CTNNA3: variants seen among roughly 807,000 people sequenced by gnomAD.
CTNNA3 encodes the protein catenin alpha 3, also known as catenin alpha-3.
Under a neutral mutation model 95.7 loss-of-function variants are expected in CTNNA3, and 76 were observed. The ratio of observed to expected loss-of-function variants is 0.79; its 90% CI spans 0.66 to 0.96. The LOEUF is 0.96. Ranked by LOEUF, CTNNA3 falls within the 40% of genes least tolerant of loss-of-function variation. CTNNA3 has a pLI of 0.00. For missense variants in CTNNA3, 1,191 were observed against 1,089.8 expected, an observed-to-expected ratio of 1.09 and a Z score of -1.31; for synonymous variants, 431 against 374.4, an observed-to-expected ratio of 1.15 and a Z score of -1.74.
intron 2 of CTNNA3, among the ~76,000 whole-genome samples, chr10:67,640,552 T>A (rs919514023): frequency 4.6e-5 from 7 of 152,170 alleles, no homozygotes; most frequent in Admixed American, 4.6e-4. Flanking sequence ...GCCAAGTCAA[T>A]CCTAAGCCAA....
intron 7 of CTNNA3, among the ~76,000 whole-genome samples, chr10:67,090,640 G>A (rs1190960131): frequency 6.6e-6 from 1 of 152,014 alleles, no homozygotes; most frequent in African/African-American, 2.4e-5. Context: ...GCTTAAAATA[G>A]GCAACCTCTG....
In CTNNA3 at chr10:67,139,164, G is replaced by A. The variant is rs192642244; in HGVS notation, c.1047+41153C>T. 6.2e-3 allele frequency among the ~76,000 whole-genome samples: 950 copies of A among 152,044 alleles called. 10 individuals are homozygous for A. The highest frequency in any genetic ancestry group is 0.022 in the African/African-American group (908 of 41,492). On this transcript the variant is annotated intron_variant, in intron 7 of 17. Transcript: ENST00000433211. ...TATTTATTTATTGTGATGGAGTCTC[G>A]CTCTGTCGCCCAGACTGGAGTGCAG...
chr10:66,960,403 A>C lies in CTNNA3; in HGVS notation c.1048-184879T>G, dbSNP rs546434308. Among the ~76,000 whole-genome samples the C allele has an allele frequency of 4.7e-4, 72 of 152,272 alleles. No homozygotes were observed. The South Asian group carries it at 0.015, about 31-fold the overall frequency. On this transcript the variant is annotated intron_variant, in intron 7 of 17. Coordinates refer to ENST00000433211, the MANE Select transcript of CTNNA3 (RefSeq NM_013266.4). Reference sequence around the variant, plus strand: ...AGATGTTGTATGGAAAATACCAGCTAAGTCTGATTGAATTTTTCAATTTGC... The same window carrying C: ...AGATGTTGTATGGAAAATACCAGCTCAGTCTGATTGAATTTTTCAATTTGC...
At chr10:66,494,990 T>C (rs574918862) in intron 11 of CTNNA3, among the ~76,000 whole-genome samples, 2 of 152,206 alleles carry the variant, frequency 1.3e-5, no homozygotes, top group Admixed American at 6.5e-5. Flanking sequence ...TCCCCCTCAT[T>C]GCGTATTGAA....
chr10:67,313,263 C>T (rs1255185458), intron 5 of CTNNA3, among the ~76,000 whole-genome samples: 5 of 151,802 alleles, frequency 3.3e-5, no homozygotes, highest in Admixed American at 6.6e-5. Flanking sequence ...GGTGAAATCC[C>T]GTCTCTACTA....
At chr10:65,995,086 T>G (rs2133346494) in intron 15 of CTNNA3, among the ~76,000 whole-genome samples, 1 of 152,208 alleles carries the variant, frequency 6.6e-6, no homozygotes, top group East Asian at 1.9e-4. Context: ...ATTCTTTATC[T>G]GTGTTCTATT....
chr10:66,118,800 C>T (rs1318746262), intron 13 of CTNNA3, among the ~76,000 whole-genome samples: 1 of 152,074 alleles, frequency 6.6e-6, no homozygotes. Flanking sequence ...AAAAAGCATG[C>T]CATATTCTAT....
rs536900450 is a variant in CTNNA3, at chr10:67,087,003, C to T, written c.1047+93314G>A. 4.6e-5 allele frequency among the ~76,000 whole-genome samples: 7 copies of T among 152,070 alleles called. No individual in the cohort carries two copies. The South Asian group carries it at 1.5e-3, about 32-fold the overall frequency. The stretch of plus-strand genomic sequence containing the variant: ...GTTTTCATACTGATTAGCAACTGCA[C>T]CTCATTGCACCACAGTATGAAGAAA... On this transcript the variant is annotated intron_variant, in intron 7 of 17. Transcript: ENST00000433211.
intron 10 of CTNNA3, among the ~76,000 whole-genome samples, chr10:66,579,497 T>G (rs1328528115): frequency 6.6e-6 from 1 of 151,852 alleles, no homozygotes; most frequent in Non-Finnish European, 1.5e-5. Context: ...TAAAGTATGA[T>G]CTTTACTTTG....
intron 9 of CTNNA3, among the ~76,000 whole-genome samples, chr10:66,661,274 G>T (rs1279888750): frequency 1.3e-5 from 2 of 152,072 alleles, no homozygotes; most frequent in African/African-American, 4.8e-5. Flanking sequence ...TGGCTGGGAG[G>T]CCTCAGAATC....
chr10:67,739,141 C>T (rs1198405321), intron 1 of CTNNA3, among the ~76,000 whole-genome samples: 1 of 152,106 alleles, frequency 6.6e-6, no homozygotes, highest in African/African-American at 2.4e-5. Context: ...ACATAATTGT[C>T]AGATTCACCA....
At chr10:67,089,242 T>C (rs1272707081) in intron 7 of CTNNA3, among the ~76,000 whole-genome samples, 1 of 152,022 alleles carries the variant, frequency 6.6e-6, no homozygotes. Flanking sequence ...CTTAAGAAAA[T>C]ATAAAAATTA....
At chr10:67,099,338 T>C (rs1357353941) in intron 7 of CTNNA3, 1 of 151,740 alleles carries the variant, frequency 6.6e-6, no homozygotes, top group Non-Finnish European at 1.5e-5. Flanking sequence ...TTTTTTTTAA[T>C]GGAAAACTGC....
chr10:66,173,537 G>A (rs2085541329), intron 13 of CTNNA3, among the ~76,000 whole-genome samples: 1 of 151,882 alleles, frequency 6.6e-6, no homozygotes, highest in Non-Finnish European at 1.5e-5. Context: ...AAAAAAATTA[G>A]CCAGGCATGG....
At chr10:67,724,274 G>A (rs1314344584) in intron 1 of CTNNA3, among the ~76,000 whole-genome samples, 1 of 152,114 alleles carries the variant, frequency 6.6e-6, no homozygotes, top group African/African-American at 2.4e-5. Context: ...GGATGATACT[G>A]TTGAACTGGA....
At chr10:66,174,695 CA>C (rs2085615980) in intron 13 of CTNNA3, among the ~76,000 whole-genome samples, 1 of 151,878 alleles carries the variant, frequency 6.6e-6, no homozygotes, top group East Asian at 1.9e-4. Context: ...TCTGCAGAGC[CA>C]ACTGTGGGAC....
chr10:66,948,880 GGGA>G (rs1410503092), intron 7 of CTNNA3, among the ~76,000 whole-genome samples: 3 of 152,168 alleles, frequency 2.0e-5, no homozygotes, highest in African/African-American at 7.2e-5. Context: ...GTAAAAGAGA[GGGA>G]GGAGAAGGTG....
chr10:66,731,083 C>G (rs1039052859), intron 9 of CTNNA3, among the ~76,000 whole-genome samples: 4 of 152,160 alleles, frequency 2.6e-5, no homozygotes, highest in Non-Finnish European at 5.9e-5. Flanking sequence ...TCAATAGATT[C>G]AGTCTTCCTC....
intron 9 of CTNNA3, among the ~76,000 whole-genome samples, chr10:66,677,286 T>C (rs1435701466): frequency 6.6e-6 from 1 of 152,250 alleles, no homozygotes; most frequent in East Asian, 1.9e-4. Context: ...AGTGCTTCTC[T>C]AACTATCTGT....
Sources: gnomAD v4.1 joint callset for allele counts (sites outside exome capture counted in the v4.1 genomes callset) on GRCh38, gnomAD v4.1.1 for gene constraint, MANE v1.5 for transcripts, NCBI Gene and HGNC (gene_info 2026-07-23, HGNC 2026-07-21) for gene names.